PAQR9: variants seen among roughly 807,000 people sequenced by gnomAD.
PAQR9 encodes membrane progestin receptor epsilon.
In PAQR9, 12 loss-of-function variants were observed where a neutral mutation model predicts 24.0. The ratio of observed to expected loss-of-function variants is 0.50; its 90% CI spans 0.32 to 0.81. The LOEUF (loss-of-function observed/expected upper bound fraction) is 0.81. PAQR9 is among the 30% of genes least tolerant of loss of function. The pLI, the probability that PAQR9 is intolerant of heterozygous loss-of-function variation, is 0.03. For synonymous variants in PAQR9, 266 were observed against 237.6 expected (o/e 1.12, Z -1.10); for missense variants, 418 against 520.8 (o/e 0.80, Z 1.92).
chr3:142,951,576 G>C (rs1400016927), downstream of PAQR9: 1 of 396,684 alleles, frequency 2.5e-6, no homozygotes, highest in Non-Finnish European at 4.9e-6. Flanking sequence ...GTGCTAAAGG[G>C]GATTTATTAG....
chr3:142,952,061 T>G, downstream of PAQR9, among the ~76,000 whole-genome samples: 2 of 147,496 alleles, frequency 1.4e-5, no homozygotes, highest in Non-Finnish European at 1.5e-5. Flanking sequence ...GGGGGGGTGT[T>G]GTTAGAGTGT....
downstream of PAQR9, among the ~76,000 whole-genome samples, chr3:142,953,981 C>T (rs1934755416): frequency 6.6e-6 from 1 of 152,244 alleles, no homozygotes; most frequent in East Asian, 1.9e-4. Flanking sequence ...ATCTCTAGCA[C>T]TGCCCTGCTC....
Position 142,954,879 on chromosome 3 carries a change from T to G in PAQR9, c.*7324A>C, listed in dbSNP as rs1399834045. ...CTATTGATTTGAAACCACATGTTAG[T>G]CCATGCCTGGAAGCTCACGTATCCT... is the stretch of plus-strand genomic sequence containing the variant. On this transcript the variant is annotated 3_prime_UTR_variant, in exon 1 of 1. Transcript: ENST00000340634. Among the ~76,000 whole-genome samples the G allele has an allele frequency of 1.3e-5, 2 of 152,170 alleles. No individual in the cohort carries two copies. The highest frequency in any genetic ancestry group is 2.9e-5 in the Non-Finnish European group (2 of 68,044).
chr3:142,958,611 T>C lies in PAQR9; in HGVS notation c.*3592A>G, dbSNP rs1428365887. Reference sequence around the variant, plus strand: ...GAAAAAATGATATAAATCACCTCTGTCCCAAAATTTTGCATTCTTAGAAAT... The same window carrying C: ...GAAAAAATGATATAAATCACCTCTGCCCCAAAATTTTGCATTCTTAGAAAT... On this transcript the variant is annotated 3_prime_UTR_variant, in exon 1 of 1. Transcript: ENST00000340634. 6.6e-6 allele frequency among the ~76,000 whole-genome samples: 1 copy of C among 152,198 alleles called. No homozygotes were observed. The highest frequency in any genetic ancestry group is 1.5e-5 in the Non-Finnish European group (1 of 68,030).
chr3:142,951,681 G>A, downstream of PAQR9: 1 of 456,436 alleles, frequency 2.2e-6, no homozygotes, highest in South Asian at 1.5e-5. Context: ...AATTGAGCAG[G>A]AAAGCTGACA....
chr3:142,954,084 T>C (rs35559684), downstream of PAQR9, among the ~76,000 whole-genome samples: 7,464 of 152,322 alleles, frequency 0.049, 257 homozygotes, highest in Non-Finnish European at 0.075. Context: ...TTTCTGTTCC[T>C]GATAACCAAA....
rs1476193102 is a variant in PAQR9, at chr3:142,961,182, T to C, written c.*1021A>G. On this transcript the variant is annotated 3_prime_UTR_variant, in exon 1 of 1. Transcript: ENST00000340634. ...GATTTTCAGTCAGGTAAGAAAAGCT[T>C]ATTCTTACTACTCTCCCCATGTAAG... The C allele has an allele frequency of 6.6e-6, 1 of 152,640 alleles. No homozygotes were observed. The highest frequency in any genetic ancestry group is 2.4e-5 in the African/African-American group (1 of 41,454). The allele number at this position is 152,640 out of a possible 1,614,324, so 9.5% of individuals were successfully genotyped here.
In PAQR9 at chr3:142,962,491, G is replaced by A. The variant is rs1294150779; in HGVS notation, c.846C>T (p.Phe282=). ...TLFVHFYRRY[F]WLVVAAFFNV... The stretch of plus-strand genomic sequence containing the variant: ...TGAAGAAGGCGGCCACCACCAGCCA[G>A]AAGTAGCGGCGGTAGAAGTGCACGA... The change falls in exon 1 of 1, where the codon TTC becomes TTT. Residue 282 remains phenylalanine (F), a synonymous_variant. Transcript: ENST00000340634. The A allele has an allele frequency of 1.9e-6, 3 of 1,613,466 alleles. No individual in the cohort carries two copies. Among genetic ancestry groups the A allele is most frequent in the Admixed American group, 1.7e-5 (1 of 59,968 alleles).
At chr3:142,952,586 G>A (rs1934730814), downstream of PAQR9, among the ~76,000 whole-genome samples, 2 of 152,206 alleles carry the variant, frequency 1.3e-5, no homozygotes, top group Admixed American at 6.5e-5. Flanking sequence ...TGGCTCACAT[G>A]GAAAAGTCCA....
At chr3:142,950,621 G>A (rs1321520672), downstream of PAQR9, 1 of 428,360 alleles carries the variant, frequency 2.3e-6, no homozygotes, top group East Asian at 7.1e-5. Flanking sequence ...ATAATGTATT[G>A]AAAGGCTATG....
Position 142,955,357 on chromosome 3 carries a change from A to C in PAQR9, c.*6846T>G, listed in dbSNP as rs1446716545. On this transcript the variant is annotated 3_prime_UTR_variant, in exon 1 of 1. Coordinates refer to ENST00000340634, the MANE Select transcript of PAQR9 (RefSeq NM_198504.4). The stretch of plus-strand genomic sequence containing the variant: ...TTTCTCTTCAAGCTGGATATGTGGA[A>C]AGTGAAGTTTCAAGGGTAGTGAAAA... 6.7e-6 allele frequency among the ~76,000 whole-genome samples: 1 copy of C among 148,976 alleles called. No homozygotes were observed. Among genetic ancestry groups the C allele is most frequent in the African/African-American group, 2.5e-5 (1 of 40,276 alleles).
chr3:142,956,676 T>C lies in PAQR9; in HGVS notation c.*5527A>G, dbSNP rs1578079327. ...CAGCTAAATGAGCATTCTTGGCCCC[T>C]GACCTATAAATAAACACTCTAATTC... is the stretch of plus-strand genomic sequence containing the variant. On this transcript the variant is annotated 3_prime_UTR_variant, in exon 1 of 1. Coordinates refer to ENST00000340634, the MANE Select transcript of PAQR9 (RefSeq NM_198504.4). 1.3e-5 allele frequency among the ~76,000 whole-genome samples: 2 copies of C among 148,740 alleles called. No homozygotes were observed. Among genetic ancestry groups the C allele is most frequent in the South Asian group, 2.1e-4 (1 of 4,764 alleles).
rs1350104189 is a variant in PAQR9, at chr3:142,963,472, C to T, written c.-136G>A. Reference sequence around the variant, plus strand: ...GTCGCTGCAGGTTTAGGAGAAGACCCGTGCCTCCGAGCAGCCGCTCCTAAA... The same window carrying T: ...GTCGCTGCAGGTTTAGGAGAAGACCTGTGCCTCCGAGCAGCCGCTCCTAAA... On this transcript the variant is annotated 5_prime_UTR_variant, in exon 1 of 1. Transcript: ENST00000340634. The T allele has an allele frequency of 9.6e-7, 1 of 1,039,384 alleles. No individual in the cohort carries two copies. The highest frequency in any genetic ancestry group is 1.2e-6 in the Non-Finnish European group (1 of 867,470). 64.4% of individuals were successfully genotyped at this position (1,039,384 alleles called of 1,614,324 possible).
chr3:142,952,236 T>C (rs1934726707), downstream of PAQR9, among the ~76,000 whole-genome samples: 1 of 151,712 alleles, frequency 6.6e-6, no homozygotes. Flanking sequence ...AGGTGGGAAG[T>C]GGTAAGATCA....
rs1346963990 is a variant in PAQR9 at position 142,958,140 on chromosome 3, AAGTC to A, written c.*4059_*4062del. Among the ~76,000 whole-genome samples, 4 of 152,256 alleles carry A rather than the reference AAGTC, an allele frequency of 2.6e-5. No individual in the cohort carries two copies. Among genetic ancestry groups the A allele is most frequent in the Non-Finnish European group, 2.9e-5 (2 of 68,038 alleles). ...CAGCTCAAAGATTGCTGACAGAGTG[AAGTC>A]AGCAGTGGTAAACTTCAACAGTTGA... is the stretch of plus-strand genomic sequence containing the variant. On this transcript the variant is annotated 3_prime_UTR_variant, in exon 1 of 1. Transcript: ENST00000340634.
In PAQR9 at chr3:142,958,039, T is replaced by C. The variant is rs145413530; in HGVS notation, c.*4164A>G. Among the ~76,000 whole-genome samples the C allele has an allele frequency of 2.7e-3, 406 of 152,322 alleles. 1 individual carries two copies. Among genetic ancestry groups the C allele is most frequent in the African/African-American group, 9.3e-3 (388 of 41,576 alleles). On this transcript the variant is annotated 3_prime_UTR_variant, in exon 1 of 1. Coordinates refer to ENST00000340634, the MANE Select transcript of PAQR9 (RefSeq NM_198504.4). ...AGGGTAATGGCTGTAATAATACGGA[T>C]GGGTCCTTGCCCAATGTCTTACACA...
In PAQR9 at chr3:142,962,267, A is replaced by T. The variant is rs781410141; in HGVS notation, c.1070T>A (p.Val357Glu). ...CCTGATTACCAGCCCCAGGCAGACCACCAGCAGCAGCATGTAGCCCACAGT... is the reference window on the plus strand; with the variant it reads ...CCTGATTACCAGCCCCAGGCAGACCTCCAGCAGCAGCATGTAGCCCACAGT... ...SGTVGYMLLL[V>E]VCLGLVIRKF... The change falls in exon 1 of 1, where the codon GTG (valine) becomes GAG (glutamate). Residue 357 changes from valine (V) to glutamate (E), a missense_variant. By Grantham distance (121) the Val-to-Glu change is moderately radical. Around this residue, in one of 3 missense-constraint regions of PAQR9, gnomAD observed 230 missense variants for 305.2 expected, o/e 0.75. Coordinates refer to ENST00000340634, the MANE Select transcript of PAQR9 (RefSeq NM_198504.4). 1.2e-6 allele frequency: 2 copies of T among 1,614,154 alleles called. No individual in the cohort carries two copies. The highest frequency in any genetic ancestry group is 8.5e-7 in the Non-Finnish European group (1 of 1,180,022).
chr3:142,962,001 G>GT lies in PAQR9; in HGVS notation c.*201_*202insA, dbSNP rs1427241997. ...ACAAGTGACTATCTCCCTCCCGCTT[G>GT]ACCACCCCTGCCAACCTCCCTACTT... On this transcript the variant is annotated 3_prime_UTR_variant, in exon 1 of 1. Coordinates refer to ENST00000340634, the MANE Select transcript of PAQR9 (RefSeq NM_198504.4). 21 of 605,140 alleles carry GT rather than the reference G, an allele frequency of 3.5e-5. No homozygotes were observed. The highest frequency in any genetic ancestry group is 5.4e-5 in the Non-Finnish European group (19 of 350,942). 37.5% of individuals were successfully genotyped at this position (605,140 alleles called of 1,614,324 possible).
At chr3:142,950,250 A>AT (rs11391636), downstream of PAQR9, 86,772 of 152,616 alleles carry the variant, frequency 0.57, 26,012 homozygotes, top group African/African-American at 0.77. Flanking sequence ...AAGCCTTGTA[A>AT]TTTTTTGTTG....
Sources: gnomAD v4.1 joint callset for allele counts (sites outside exome capture counted in the v4.1 genomes callset) on GRCh38, gnomAD v4.1.1 for gene constraint, gnomAD v4.1.1 regional missense constraint, MANE v1.5 for transcripts, NCBI Gene and HGNC (gene_info 2026-07-23, HGNC 2026-07-21) for gene names.